DCDC2: variants seen among roughly 807,000 people sequenced by gnomAD.
DCDC2 encodes the protein doublecortin domain containing 2.
A neutral mutation model predicts 50.2 loss-of-function variants in DCDC2; 40 were observed. The observed-to-expected ratio is 0.80, with a 90% CI of 0.62 to 1.04. DCDC2 has a LOEUF of 1.04. Ranked by LOEUF, DCDC2 falls within the 50% of genes least tolerant of loss-of-function variation. DCDC2 has a pLI of 0.00. For synonymous variants in DCDC2, 234 were observed against 210.6 expected, an observed-to-expected ratio of 1.11 and a Z score of -0.96; for missense variants, 570 against 581.9, an observed-to-expected ratio of 0.98 and a Z score of 0.21.
chr6:24,373,340 C>T, the DCDC2 span, among the ~76,000 whole-genome samples: 1 of 152,182 alleles, frequency 6.6e-6, no homozygotes, highest in Non-Finnish European at 1.5e-5. Context: ...CCTGATGTGG[C>T]ACCACCATAG....
chr6:24,216,997 C>T (rs749316169), intron 7 of DCDC2, among the ~76,000 whole-genome samples: 2 of 152,180 alleles, frequency 1.3e-5, no homozygotes, highest in Non-Finnish European at 2.9e-5. Context: ...GAGCAGCACA[C>T]ATCCAGGCAA....
At chr6:24,301,369 T>C (rs1299386418) in intron 4 of DCDC2, among the ~76,000 whole-genome samples, 4 of 4,014 alleles carry the variant, frequency 1.0e-3, no homozygotes, top group Non-Finnish European at 2.0e-3. Flanking sequence ...AGGCTCCATC[T>C]CAAAAAAAAA....
intron 7 of DCDC2, among the ~76,000 whole-genome samples, chr6:24,239,609 C>T (rs1477736565): frequency 3.9e-5 from 6 of 152,168 alleles, no homozygotes; most frequent in Admixed American, 3.3e-4. Flanking sequence ...AGTCAGAATC[C>T]TTTCCTGTGA....
chr6:24,367,608 T>G, the DCDC2 span, among the ~76,000 whole-genome samples: 1 of 152,232 alleles, frequency 6.6e-6, no homozygotes. Flanking sequence ...CTACAAAATG[T>G]GAGGCAAAGA....
chr6:24,305,025 G>T (rs1313490268), intron 2 of DCDC2, among the ~76,000 whole-genome samples: 1 of 152,146 alleles, frequency 6.6e-6, no homozygotes, highest in Non-Finnish European at 1.5e-5. Context: ...TTAAAATCTT[G>T]TTGGGTTATT....
At chr6:24,209,795 T>C (rs1761815990) in intron 7 of DCDC2, among the ~76,000 whole-genome samples, 1 of 152,158 alleles carries the variant, frequency 6.6e-6, no homozygotes, top group Non-Finnish European at 1.5e-5. Context: ...GGAAAAGTAA[T>C]AATGGGATGG....
Position 24,315,928 on chromosome 6 carries a change from G to C in DCDC2, c.349-13884C>G, listed in dbSNP as rs748399886. Among the ~76,000 whole-genome samples, 15 of 152,294 alleles carry C rather than the reference G, an allele frequency of 9.8e-5. No individual in the cohort carries two copies. The Middle Eastern group carries it at 0.017, about 173-fold the overall frequency. ...TCAGAGATGGTGGTAGCTTTTCCTG[G>C]GGGATGACTGAGGAAAAAAAGAAAA... On this transcript the variant is annotated intron_variant, in intron 2 of 9. Transcript: ENST00000378454.
intron 2 of DCDC2, among the ~76,000 whole-genome samples, chr6:24,317,357 A>G (rs1759691233): frequency 6.6e-6 from 1 of 152,110 alleles, no homozygotes; most frequent in African/African-American, 2.4e-5. Context: ...GAAATTTAGT[A>G]TATGATGAAG....
intron 8 of DCDC2, among the ~76,000 whole-genome samples, chr6:24,200,111 C>A (rs1320699353): frequency 6.6e-6 from 1 of 152,118 alleles, no homozygotes; most frequent in Non-Finnish European, 1.5e-5. Flanking sequence ...GCAGAACCTC[C>A]CCAAACTAGC....
At chr6:24,353,706 A>G in intron 1 of DCDC2, 83 bp from the exon 2 acceptor site, 1 of 858,544 alleles carries the variant, frequency 1.2e-6, no homozygotes, top group Non-Finnish European at 1.7e-6. Flanking sequence ...ATAAAAAAAT[A>G]AAGCAACTCA....
chr6:24,239,624 T>C (rs1404526187), intron 7 of DCDC2, among the ~76,000 whole-genome samples: 1 of 152,196 alleles, frequency 6.6e-6, no homozygotes, highest in Admixed American at 6.5e-5. Context: ...CTGTGATTTT[T>C]TTCAATCTAA....
At chr6:24,340,999 G>A (rs769194996) in intron 2 of DCDC2, among the ~76,000 whole-genome samples, 1 of 152,162 alleles carries the variant, frequency 6.6e-6, no homozygotes, top group African/African-American at 2.4e-5. Context: ...GTGCTGGGAT[G>A]ACAGGCGTGA....
intron 8 of DCDC2, among the ~76,000 whole-genome samples, chr6:24,199,151 G>A (rs565495389): frequency 3.7e-4 from 57 of 152,324 alleles, no homozygotes; most frequent in Admixed American, 8.5e-4. Context: ...AACAGCGCTC[G>A]AGCTCTGCTA....
intron 7 of DCDC2, among the ~76,000 whole-genome samples, chr6:24,224,284 C>G (rs766923610): frequency 9.8e-5 from 15 of 152,352 alleles, no homozygotes; most frequent in South Asian, 2.1e-4. Flanking sequence ...GTACCAACCA[C>G]TGCCACTGCT....
intron 8 of DCDC2, among the ~76,000 whole-genome samples, chr6:24,195,243 G>A (rs966993445): frequency 6.6e-6 from 1 of 152,184 alleles, no homozygotes; most frequent in Non-Finnish European, 1.5e-5. Flanking sequence ...CGCAATAGCA[G>A]TAGCCAAAAT....
chr6:24,216,009 G>A (rs1170929908), intron 7 of DCDC2, among the ~76,000 whole-genome samples: 1 of 152,192 alleles, frequency 6.6e-6, no homozygotes, highest in Non-Finnish European at 1.5e-5. Context: ...CTGGCCAGAC[G>A]ACAGAAGGAA....
intron 6 of DCDC2, among the ~76,000 whole-genome samples, chr6:24,280,706 T>G (rs1763451579): frequency 6.6e-6 from 1 of 151,846 alleles, no homozygotes; most frequent in South Asian, 2.1e-4. Context: ...CCAGGTAAAT[T>G]TTTTTGAATT....
chr6:24,200,162 C>A (rs919066811), intron 8 of DCDC2, among the ~76,000 whole-genome samples: 2 of 152,090 alleles, frequency 1.3e-5, no homozygotes, highest in African/African-American at 2.4e-5. Flanking sequence ...ACAGAGAACA[C>A]CACAAAGATG....
chr6:24,333,365 C>A (rs777029873), intron 2 of DCDC2, among the ~76,000 whole-genome samples: 15 of 152,126 alleles, frequency 9.9e-5, no homozygotes, highest in Non-Finnish European at 5.9e-5. Flanking sequence ...GGTATGACGA[C>A]CCCAGAACAC....
Sources: allele counts gnomAD v4.1 joint callset (sites outside exome capture counted in the v4.1 genomes callset), GRCh38; gene constraint gnomAD v4.1.1; transcripts MANE v1.5; gene names NCBI Gene and HGNC (gene_info 2026-07-23, HGNC 2026-07-21).